FAM13A: variants seen among roughly 807,000 people sequenced by gnomAD.
The protein encoded by FAM13A is family with sequence similarity 13 member A.
FAM13A carries 76 observed loss-of-function variants against 129.6 expected under a neutral mutation model. The ratio of observed to expected loss-of-function variants is 0.59; its 90% CI spans 0.49 to 0.71. The LOEUF is 0.71. FAM13A is among the 30% of genes least tolerant of loss of function. The pLI, the probability that FAM13A is intolerant of heterozygous loss-of-function variation, is 0.00. For synonymous variants in FAM13A, 443 were observed against 449.9 expected, an observed-to-expected ratio of 0.98 and a Z score of 0.20; for missense variants, 1,108 against 1,249.3, an observed-to-expected ratio of 0.89 and a Z score of 1.70.
intron 11 of FAM13A, among the ~76,000 whole-genome samples, chr4:88,778,532 G>T (rs555259613): frequency 1.3e-5 from 2 of 152,258 alleles, no homozygotes; most frequent in Non-Finnish European, 2.9e-5. Context: ...ATCAGTGAAG[G>T]GTACAGCCCG....
At position 88,906,459 on chromosome 4, in the gene FAM13A, C is replaced by T. The variant is rs747843717; in HGVS notation, c.763G>A (p.Val255Ile). ...NLARLIIVKEVYYKNSLPILL... is the reference protein window; with the variant it reads ...NLARLIIVKEIYYKNSLPILL... ...ATGGGCAGGGAGTTCTTATAATAGA[C>T]CTCCTACAAAAGAAGTATAAAGGAA... Residue 255 changes from valine to isoleucine, a missense_variant, in exon 6 of 24, where the codon GTC becomes ATC. This residue lies in a region of FAM13A where 566 missense variants were observed against 595.7 expected (regional missense o/e 0.95). Transcript: ENST00000264344. 19 of 1,593,480 alleles carry T rather than the reference C, an allele frequency of 1.2e-5. 1 individual carries two copies. The South Asian group carries it at 2.1e-4, about 18-fold the overall frequency.
At chr4:88,945,488 C>T (rs895027685) in intron 4 of FAM13A, among the ~76,000 whole-genome samples, 2 of 152,086 alleles carry the variant, frequency 1.3e-5, no homozygotes, top group African/African-American at 4.8e-5. Context: ...TGTAGGCCTT[C>T]TTCTTTCTCT....
chr4:88,832,436 C>T (rs756994490), intron 7 of FAM13A, among the ~76,000 whole-genome samples: 16 of 152,168 alleles, frequency 1.1e-4, no homozygotes, highest in Non-Finnish European at 2.1e-4. Context: ...AAACTATCAT[C>T]AGAGTGAACA....
At chr4:88,876,871 G>A (rs571085924) in intron 6 of FAM13A, among the ~76,000 whole-genome samples, 8 of 152,304 alleles carry the variant, frequency 5.3e-5, no homozygotes, top group African/African-American at 1.2e-4. Context: ...GATTACAGGC[G>A]TGAGCCACCG....
intron 3 of FAM13A, among the ~76,000 whole-genome samples, chr4:88,995,783 T>G (rs1763463518): frequency 6.6e-6 from 1 of 152,246 alleles, no homozygotes; most frequent in East Asian, 1.9e-4. Flanking sequence ...CCATTAGTTC[T>G]GTCCCTTTAG....
intron 13 of FAM13A, among the ~76,000 whole-genome samples, chr4:88,761,747 ATTCAATAAATAT>A: frequency 6.6e-6 from 1 of 152,274 alleles, no homozygotes; most frequent in East Asian, 1.9e-4. Flanking sequence ...ATACTTATAT[ATTCAATAAATAT>A]TATGGCATAA....
intron 7 of FAM13A, among the ~76,000 whole-genome samples, chr4:88,837,699 C>G (rs1578888719): frequency 2.6e-5 from 2 of 77,714 alleles, no homozygotes; most frequent in Admixed American, 2.0e-4. Flanking sequence ...GCCTGGGCAA[C>G]AAGAGGGAAA....
chr4:89,051,611 C>G (rs949847922), intron 1 of FAM13A, among the ~76,000 whole-genome samples: 2 of 152,152 alleles, frequency 1.3e-5, no homozygotes, highest in Non-Finnish European at 2.9e-5. Flanking sequence ...TAAATATCAT[C>G]TAAATCAACT....
chr4:89,009,859 T>C (rs896660052), intron 3 of FAM13A, among the ~76,000 whole-genome samples: 1 of 152,130 alleles, frequency 6.6e-6, no homozygotes, highest in Non-Finnish European at 1.5e-5. Context: ...GTATTTTAGG[T>C]GGCAGAACCT....
intron 21 of FAM13A, chr4:88,732,630 TAAA>T (rs61477444): frequency 3.2e-4 from 47 of 145,988 alleles, no homozygotes; most frequent in African/African-American, 9.7e-4. Context: ...CAGATGGCTT[TAAA>T]AAAAAAAAAA....
chr4:88,794,724 T>A (rs76311745), intron 8 of FAM13A, among the ~76,000 whole-genome samples: 5 of 151,834 alleles, frequency 3.3e-5, no homozygotes, highest in Admixed American at 2.6e-4. Context: ...ATATTTAAAT[T>A]TACTCTTTTT....
chr4:88,833,322 C>T (rs555732302), intron 7 of FAM13A, among the ~76,000 whole-genome samples: 5 of 152,110 alleles, frequency 3.3e-5, no homozygotes, highest in South Asian at 2.1e-4. Context: ...CCATGGCATA[C>T]GTTTACCTAT....
At chr4:88,758,703 T>C (rs773506012) in intron 14 of FAM13A, 51 bp downstream of exon 14, 5 of 1,557,070 alleles carry the variant, frequency 3.2e-6, no homozygotes, top group Middle Eastern at 3.4e-4. Flanking sequence ...TTTGTGCTTA[T>C]TTATATATGC....
chr4:89,045,889 T>C (rs1770779336), intron 1 of FAM13A, among the ~76,000 whole-genome samples: 1 of 151,902 alleles, frequency 6.6e-6, no homozygotes, highest in Non-Finnish European at 1.5e-5. Flanking sequence ...CTGGGCATGG[T>C]GACGCATGCC....
chr4:88,849,094 G>GA (rs1398602973), intron 7 of FAM13A, among the ~76,000 whole-genome samples: 1 of 152,172 alleles, frequency 6.6e-6, no homozygotes, highest in Non-Finnish European at 1.5e-5. Flanking sequence ...AGAAGCGCCT[G>GA]AATCTTATTT....
chr4:89,054,317 A>C (rs1205806488), intron 1 of FAM13A, among the ~76,000 whole-genome samples: 1 of 151,416 alleles, frequency 6.6e-6, no homozygotes, highest in Admixed American at 6.6e-5. Flanking sequence ...ACACACACAC[A>C]CGTACGTACT....
rs1736788770 is a variant in FAM13A, at chr4:88,728,218, TGTA to T, written c.*312_*314del. 1.4e-5 allele frequency: 5 copies of T among 354,642 alleles called. No individual in the cohort carries two copies. Among genetic ancestry groups the T allele is most frequent in the Non-Finnish European group, 2.6e-5 (5 of 189,192 alleles). 22.0% of individuals were successfully genotyped at this position (354,642 alleles called of 1,614,324 possible). ...TTCTCTGTAGATGAGTGTTGTCTAA[TGTA>T]GTGATTAATCTCTGCTAGTGTTAGG... On this transcript the variant is annotated 3_prime_UTR_variant, in exon 24 of 24. Coordinates refer to ENST00000264344, the MANE Select transcript of FAM13A (RefSeq NM_014883.4).
chr4:89,031,035 T>C (rs867580870), intron 1 of FAM13A, among the ~76,000 whole-genome samples: 5 of 152,246 alleles, frequency 3.3e-5, no homozygotes, highest in Admixed American at 2.0e-4. Context: ...ATATTATAAA[T>C]AAGTCATGGG....
intron 10 of FAM13A, among the ~76,000 whole-genome samples, chr4:88,785,054 G>A (rs1382767984): frequency 1.3e-5 from 2 of 151,838 alleles, no homozygotes; most frequent in East Asian, 1.9e-4. Flanking sequence ...GTCTATCTTC[G>A]GTACTGCTAT....
Sources: gnomAD v4.1 joint callset for allele counts (sites outside exome capture counted in the v4.1 genomes callset) on GRCh38, gnomAD v4.1.1 for gene constraint, gnomAD v4.1.1 regional missense constraint, MANE v1.5 for transcripts, NCBI Gene and HGNC (gene_info 2026-07-23, HGNC 2026-07-21) for gene names.